The following THADA variants were observed in gnomAD, a reference collection of about 807,000 sequenced individuals.
The protein encoded by THADA is tRNA (32-2'-O)-methyltransferase regulator THADA.
THADA carries 213 observed loss-of-function variants against 219.8 expected under a neutral mutation model. The ratio of observed to expected loss-of-function variants is 0.97; its 90% CI spans 0.87 to 1.09. The LOEUF (loss-of-function observed/expected upper bound fraction) is 1.09. Among genes scored for constraint, THADA ranks in the 50% least tolerant of loss-of-function variants. THADA has a pLI of 0.00. For missense variants in THADA, 2,956 were observed against 2,311.3 expected (o/e 1.28, Z -5.72); for synonymous variants, 1,018 against 828.9 (o/e 1.23, Z -3.92).
intron 28 of THADA, among the ~76,000 whole-genome samples, chr2:43,417,637 G>C (rs1257140136): frequency 6.6e-6 from 1 of 152,196 alleles, no homozygotes; most frequent in African/African-American, 2.4e-5. Flanking sequence ...TAAAGCTGCA[G>C]GTTAATTTTG....
intron 25 of THADA, among the ~76,000 whole-genome samples, chr2:43,498,036 T>C (rs1688486960): frequency 6.6e-6 from 1 of 152,188 alleles, no homozygotes; most frequent in African/African-American, 2.4e-5. Flanking sequence ...AAATGTGGGA[T>C]GTGTGTATAC....
At chr2:43,346,677 T>C (rs1667661792) in intron 29 of THADA, among the ~76,000 whole-genome samples, 1 of 152,160 alleles carries the variant, frequency 6.6e-6, no homozygotes, top group African/African-American at 2.4e-5. Flanking sequence ...TGTCAACAAA[T>C]ATTTATTAAA....
chr2:43,400,457 T>TTATATATATATATATATTTATA (rs1674670358), intron 28 of THADA, among the ~76,000 whole-genome samples: 1 of 89,904 alleles, frequency 1.1e-5, no homozygotes, highest in Non-Finnish European at 2.7e-5. Context: ...ATAGACAAAT[T>TTATATATATATATATATTTATA]TATATATATA....
chr2:43,572,638 T>C (rs1383082809), intron 12 of THADA, among the ~76,000 whole-genome samples, 176 bp downstream of exon 12: 1 of 152,174 alleles, frequency 6.6e-6, no homozygotes, highest in African/African-American at 2.4e-5. Flanking sequence ...AACTAAACTT[T>C]CAGTAGCTTG....
chr2:43,302,143 T>C (rs1676338857), intron 31 of THADA, among the ~76,000 whole-genome samples: 1 of 152,200 alleles, frequency 6.6e-6, no homozygotes, highest in South Asian at 2.1e-4. Context: ...CCTGGGACTA[T>C]AGGTGCATGC....
intron 26 of THADA, among the ~76,000 whole-genome samples, chr2:43,448,383 G>A (rs1009446050): frequency 2.0e-5 from 3 of 152,176 alleles, no homozygotes; most frequent in East Asian, 1.9e-4. Context: ...TGAGGATCCC[G>A]TCCTCCAAAA....
intron 36 of THADA, among the ~76,000 whole-genome samples, chr2:43,266,463 C>A (rs373380955): frequency 6.6e-6 from 1 of 152,098 alleles, no homozygotes; most frequent in African/African-American, 2.4e-5. Context: ...GTTAGCCGGG[C>A]GTGGTGGCTG....
intron 26 of THADA, among the ~76,000 whole-genome samples, chr2:43,458,724 A>C (rs936866564): frequency 6.6e-6 from 1 of 152,152 alleles, no homozygotes; most frequent in South Asian, 2.1e-4. Context: ...ACAACAACAA[A>C]AAACCCCACA....
chr2:43,254,197 A>G (rs1272156357), intron 36 of THADA, among the ~76,000 whole-genome samples: 1 of 152,078 alleles, frequency 6.6e-6, no homozygotes, highest in Non-Finnish European at 1.5e-5. Context: ...ATGGGATTGT[A>G]CTGACACAGG....
At chr2:43,409,454 A>C (rs112686953) in intron 28 of THADA, among the ~76,000 whole-genome samples, 11 of 152,100 alleles carry the variant, frequency 7.2e-5, no homozygotes, top group African/African-American at 2.7e-4. Flanking sequence ...TGAAAATTGC[A>C]ATTAGGTAAG....
chr2:43,470,673 A>G (rs976903583), intron 26 of THADA, among the ~76,000 whole-genome samples: 1 of 152,230 alleles, frequency 6.6e-6, no homozygotes, highest in Non-Finnish European at 1.5e-5. Context: ...TGACAAGAAT[A>G]AGACTCTAAC....
At chr2:43,438,052 A>G (rs1277458820) in intron 26 of THADA, among the ~76,000 whole-genome samples, 1 of 152,152 alleles carries the variant, frequency 6.6e-6, no homozygotes, top group Non-Finnish European at 1.5e-5. Context: ...CTGTAATCCC[A>G]GCACTTTGGG....
intron 21 of THADA, among the ~76,000 whole-genome samples, chr2:43,529,033 G>A (rs538997393): frequency 1.4e-3 from 213 of 152,040 alleles, no homozygotes; most frequent in African/African-American, 4.9e-3. Flanking sequence ...AGGACCTCCT[G>A]AAAAACTACT....
intron 8 of THADA, among the ~76,000 whole-genome samples, chr2:43,580,921 A>G (rs945521258): frequency 1.3e-5 from 2 of 151,942 alleles, no homozygotes; most frequent in Admixed American, 6.6e-5. Flanking sequence ...ATGAGATGCT[A>G]TTGTCTTCCA....
At chr2:43,477,451 T>C (rs1389615043) in intron 26 of THADA, among the ~76,000 whole-genome samples, 2 of 152,240 alleles carry the variant, frequency 1.3e-5, no homozygotes, top group East Asian at 3.8e-4. Context: ...CATCTCTTAA[T>C]TTCTTGAGAA....
chr2:43,369,817 T>G (rs1214102102), intron 29 of THADA, among the ~76,000 whole-genome samples: 2 of 152,216 alleles, frequency 1.3e-5, no homozygotes. Context: ...ACTTAACTCT[T>G]TAGAATTTAG....
intron 30 of THADA, among the ~76,000 whole-genome samples, chr2:43,335,985 T>C (rs1243338840): frequency 4.0e-5 from 6 of 151,630 alleles, no homozygotes; most frequent in Non-Finnish European, 8.8e-5. Flanking sequence ...CAGTCCCAGC[T>C]ACTCAGGAGG....
At chr2:43,381,839 C>T (rs563922879) in intron 29 of THADA, among the ~76,000 whole-genome samples, 7 of 152,246 alleles carry the variant, frequency 4.6e-5, no homozygotes, top group African/African-American at 1.7e-4. Flanking sequence ...CCTGCCTCGG[C>T]CTCCCAAAGT....
In THADA at chr2:43,501,306, C is replaced by CAAAAA. The variant is rs1558864377; in HGVS notation, c.3622-2352_3622-2351insTTTTT. On this transcript the variant is annotated intron_variant, in intron 24 of 37. Transcript: ENST00000405975. ...GGGCAACAAAAGCGAAACTCCAACT[C>CAAAAA]CAAAAAAAAAAAAAAAAAAAAAAAA... 7.7e-3 allele frequency among the ~76,000 whole-genome samples: 95 copies of CAAAAA among 12,272 alleles called. 8 individuals carry two copies. Among genetic ancestry groups the CAAAAA allele is most frequent in the African/African-American group, 0.025 (91 of 3,664 alleles). 8.1% of individuals were successfully genotyped at this position (12,272 alleles called of 152,430 possible).
Sources: allele counts gnomAD v4.1 joint callset (sites outside exome capture counted in the v4.1 genomes callset), GRCh38; gene constraint gnomAD v4.1.1; transcripts MANE v1.5; gene names NCBI Gene and HGNC (gene_info 2026-07-23, HGNC 2026-07-21).